The following TMEM178B variants were observed in gnomAD, a reference collection of about 807,000 sequenced individuals.
TMEM178B encodes transmembrane protein 178B.
Under a neutral mutation model 31.0 loss-of-function variants are expected in TMEM178B, and 5 were observed. That is an observed-to-expected ratio of 0.16 (90% confidence interval 0.08 to 0.34). The LOEUF (loss-of-function observed/expected upper bound fraction) is 0.34. TMEM178B is among the 10% of genes least tolerant of loss of function. The pLI is 1.00. For synonymous variants in TMEM178B, 164 were observed against 164.0 expected, an observed-to-expected ratio of 1.00 and a Z score of 0.00; for missense variants, 275 against 400.3, an observed-to-expected ratio of 0.69 and a Z score of 2.67.
the TMEM178B span, among the ~76,000 whole-genome samples, chr7:141,494,266 T>A: frequency 6.6e-6 from 1 of 152,230 alleles, no homozygotes; most frequent in Non-Finnish European, 1.5e-5. Context: ...TTTATTGAAT[T>A]CGGTGGACAC....
intron 1 of TMEM178B, among the ~76,000 whole-genome samples, chr7:141,159,428 T>C (rs1796130602): frequency 6.6e-6 from 1 of 152,220 alleles, no homozygotes; most frequent in Admixed American, 6.5e-5. Context: ...TACTGTATGA[T>C]CCAGCAATTC....
chr7:141,322,899 A>G (rs1799125741), intron 2 of TMEM178B, among the ~76,000 whole-genome samples: 1 of 152,174 alleles, frequency 6.6e-6, no homozygotes, highest in Admixed American at 6.5e-5. Flanking sequence ...GGTTCAAGAA[A>G]CATTAATTAG....
intron 1 of TMEM178B, among the ~76,000 whole-genome samples, chr7:141,104,488 C>G (rs1795108585): frequency 6.6e-6 from 1 of 152,192 alleles, no homozygotes; most frequent in African/African-American, 2.4e-5. Flanking sequence ...TTTATCCTCC[C>G]TCTATCTGCT....
chr7:141,298,954 A>G (rs1798679911), intron 2 of TMEM178B, among the ~76,000 whole-genome samples: 1 of 152,248 alleles, frequency 6.6e-6, no homozygotes, highest in South Asian at 2.1e-4. Flanking sequence ...TTTTGCTTGC[A>G]TGCACACCTG....
At chr7:141,213,345 A>G (rs1314024600) in intron 2 of TMEM178B, among the ~76,000 whole-genome samples, 1 of 152,220 alleles carries the variant, frequency 6.6e-6, no homozygotes, top group East Asian at 1.9e-4. Flanking sequence ...GGGTTAGTTC[A>G]TGAGCAAACA....
rs1180439328 is a variant in TMEM178B, at chr7:141,470,656, T to C, written c.755T>C (p.Met252Thr). The stretch of plus-strand genomic sequence containing the variant: ...ATCAGCCATGGCTATGGCTGGTCCA[T>C]GTTCTGTGCATGGGGGGGCCTGGGC... ...DDISHGYGWS[M>T]FCAWGGLGLT... Residue 252 changes from methionine (M) to threonine (T), a missense_variant, in exon 4 of 4, where the codon ATG (methionine) becomes ACG (threonine). Transcript: ENST00000565468. 6 of 1,535,662 alleles carry C rather than the reference T, an allele frequency of 3.9e-6. No individual in the cohort carries two copies. Among genetic ancestry groups the C allele is most frequent in the Non-Finnish European group, 5.2e-6 (6 of 1,146,828 alleles).
At chr7:141,399,766 G>A (rs1190951736) in intron 2 of TMEM178B, among the ~76,000 whole-genome samples, 4 of 152,184 alleles carry the variant, frequency 2.6e-5, no homozygotes, top group African/African-American at 9.7e-5. Context: ...TGCTAAGTCA[G>A]CAAGGGCTCT....
chr7:141,179,854 C>A (rs973503291), intron 1 of TMEM178B, among the ~76,000 whole-genome samples: 1 of 152,146 alleles, frequency 6.6e-6, no homozygotes, highest in Admixed American at 6.5e-5. Context: ...TCTTAATGCA[C>A]TTTACTCTCC....
intron 2 of TMEM178B, among the ~76,000 whole-genome samples, chr7:141,215,526 A>G (rs1018364774): frequency 4.6e-5 from 7 of 151,898 alleles, no homozygotes; most frequent in Non-Finnish European, 7.4e-5. Flanking sequence ...GGGTTTGACC[A>G]TGTTGGCCAG....
chr7:141,161,246 G>A (rs530528378), intron 1 of TMEM178B, among the ~76,000 whole-genome samples: 3 of 152,300 alleles, frequency 2.0e-5, no homozygotes, highest in African/African-American at 7.2e-5. Context: ...GCTTCTGTCT[G>A]ACAAGATTGG....
At chr7:141,110,382 G>C (rs1219315933) in intron 1 of TMEM178B, among the ~76,000 whole-genome samples, 3 of 152,158 alleles carry the variant, frequency 2.0e-5, no homozygotes, top group Non-Finnish European at 4.4e-5. Flanking sequence ...AACTTGGGAA[G>C]AACACACAAA....
chr7:141,322,363 TA>T (rs57989369), intron 2 of TMEM178B, among the ~76,000 whole-genome samples: 52,377 of 134,302 alleles, frequency 0.39, 9,785 homozygotes, highest in African/African-American at 0.47. Flanking sequence ...CCCATCTTAC[TA>T]AAAAAAAAAA....
At chr7:141,153,660 T>C (rs529170056) in intron 1 of TMEM178B, among the ~76,000 whole-genome samples, 1 of 152,366 alleles carries the variant, frequency 6.6e-6, no homozygotes, top group African/African-American at 2.4e-5. Context: ...GTAAATTTTC[T>C]CATGTGAAAA....
At chr7:141,406,173 C>T (rs1800881295) in intron 2 of TMEM178B, among the ~76,000 whole-genome samples, 1 of 152,178 alleles carries the variant, frequency 6.6e-6, no homozygotes, top group Non-Finnish European at 1.5e-5. Context: ...TCTGATTTGT[C>T]TAGCTTCCTG....
intron 1 of TMEM178B, among the ~76,000 whole-genome samples, chr7:141,105,455 T>C (rs761015653): frequency 5.0e-4 from 76 of 152,186 alleles, no homozygotes; most frequent in Non-Finnish European, 1.0e-3. Flanking sequence ...TGCAGTGAGC[T>C]GAGATCGTGC....
intron 1 of TMEM178B, among the ~76,000 whole-genome samples, chr7:141,087,931 T>C (rs931484154): frequency 1.2e-4 from 18 of 152,196 alleles, no homozygotes; most frequent in Non-Finnish European, 2.4e-4. Context: ...CAAGGGATCA[T>C]GAAAGTTCCA....
chr7:141,186,603 G>A (rs1367361210), intron 1 of TMEM178B, among the ~76,000 whole-genome samples: 6 of 152,178 alleles, frequency 3.9e-5, no homozygotes, highest in Non-Finnish European at 8.8e-5. Context: ...TTCTTTCAGT[G>A]TTTCTGGCAT....
chr7:141,420,434 C>T (rs1174997017), intron 2 of TMEM178B, among the ~76,000 whole-genome samples: 1 of 151,954 alleles, frequency 6.6e-6, no homozygotes, highest in African/African-American at 2.4e-5. Context: ...CTTTAGTTTC[C>T]TTCTACGGAG....
At chr7:141,254,262 A>G (rs558592806) in intron 2 of TMEM178B, among the ~76,000 whole-genome samples, 1 of 152,322 alleles carries the variant, frequency 6.6e-6, no homozygotes, top group Admixed American at 6.5e-5. Context: ...TTTCAGAGGT[A>G]AGCCCTAACA....
Sources: gnomAD v4.1 joint callset for allele counts (sites outside exome capture counted in the v4.1 genomes callset) on GRCh38, gnomAD v4.1.1 for gene constraint, MANE v1.5 for transcripts, NCBI Gene and HGNC (gene_info 2026-07-23, HGNC 2026-07-21) for gene names.